HS6ST3: variants seen among roughly 807,000 people sequenced by gnomAD.
The protein encoded by HS6ST3 is heparan-sulfate 6-O-sulfotransferase 3.
HS6ST3 carries 12 observed loss-of-function variants against 36.7 expected under a neutral mutation model. The ratio of observed to expected loss-of-function variants is 0.33; its 90% confidence interval spans 0.21 to 0.53. HS6ST3 has a LOEUF of 0.53. Among genes scored for constraint, HS6ST3 ranks in the 20% least tolerant of loss-of-function variants. HS6ST3 has a pLI of 0.95. For missense variants in HS6ST3, 584 were observed against 640.9 expected, an observed-to-expected ratio of 0.91 and a Z score of 0.96; for synonymous variants, 240 against 257.5, an observed-to-expected ratio of 0.93 and a Z score of 0.65.
chr13:96,390,836 T>C (rs185211235), intron 1 of HS6ST3, among the ~76,000 whole-genome samples: 26 of 152,308 alleles, frequency 1.7e-4, no homozygotes, highest in African/African-American at 6.3e-4. Context: ...GTTTCTGTCC[T>C]CTTTGGTCCG....
At chr13:96,158,585 C>T (rs1432964281) in intron 1 of HS6ST3, among the ~76,000 whole-genome samples, 1 of 132,960 alleles carries the variant, frequency 7.5e-6, no homozygotes, top group African/African-American at 2.9e-5. Context: ...CCCGGGAGGC[C>T]GAGATTGCAG....
chr13:96,204,439 A>G (rs1208825780), intron 1 of HS6ST3, among the ~76,000 whole-genome samples: 2 of 152,172 alleles, frequency 1.3e-5, no homozygotes, highest in Non-Finnish European at 2.9e-5. Flanking sequence ...TATTAGACAG[A>G]TCATTGAGAC....
intron 1 of HS6ST3, among the ~76,000 whole-genome samples, chr13:96,093,296 T>A (rs1205716613): frequency 6.6e-6 from 1 of 152,204 alleles, no homozygotes; most frequent in Non-Finnish European, 1.5e-5. Flanking sequence ...TAGAGGAGGA[T>A]GTGGAATCTA....
intron 1 of HS6ST3, among the ~76,000 whole-genome samples, chr13:96,428,109 C>G (rs2055596313): frequency 6.6e-6 from 1 of 152,108 alleles, no homozygotes; most frequent in Non-Finnish European, 1.5e-5. Context: ...GAAAGTATCA[C>G]AGATGTGGTG....
rs1878879321 is a variant in HS6ST3, at chr13:96,834,498, A to G, written c.*1300A>G. ...GCTGCATTGCCGAGTTCTTATTTTC[A>G]CCTTTTCATAATCCCAACTACAATA... is the stretch of plus-strand genomic sequence containing the variant. On this transcript the variant is annotated 3_prime_UTR_variant, in exon 2 of 2. Transcript: ENST00000376705. The G allele has an allele frequency of 6.6e-6, 1 of 152,174 alleles. No individual in the cohort carries two copies. Among genetic ancestry groups the G allele is most frequent in the Non-Finnish European group, 1.5e-5 (1 of 68,026 alleles). The allele number at this position is 152,174 out of a possible 1,614,324, so 9.4% of individuals were successfully genotyped here. A position where few individuals can be genotyped will look rare whatever the true frequency, so the allele number is the denominator to read the frequency against.
At chr13:96,613,889 C>CT (rs1432315395) in intron 1 of HS6ST3, among the ~76,000 whole-genome samples, 1 of 152,164 alleles carries the variant, frequency 6.6e-6, no homozygotes, top group Admixed American at 6.5e-5. Flanking sequence ...TGTTAAGCAT[C>CT]TATTGATCAC....
intron 1 of HS6ST3, among the ~76,000 whole-genome samples, chr13:96,607,310 C>T (rs1171520336): frequency 1.3e-5 from 2 of 152,158 alleles, no homozygotes; most frequent in African/African-American, 4.8e-5. Flanking sequence ...ATGTAAGATA[C>T]TCAAGGGAAA....
At chr13:96,601,509 T>A (rs1418249626) in intron 1 of HS6ST3, among the ~76,000 whole-genome samples, 1 of 152,134 alleles carries the variant, frequency 6.6e-6, no homozygotes, top group Non-Finnish European at 1.5e-5. Flanking sequence ...TGTTTCTTAT[T>A]TGTATCCTGA....
At chr13:96,254,285 G>A (rs912776361) in intron 1 of HS6ST3, among the ~76,000 whole-genome samples, 7 of 150,500 alleles carry the variant, frequency 4.7e-5, no homozygotes, top group African/African-American at 1.5e-4. Flanking sequence ...GTGGTGTTGC[G>A]TGCCTGTAAT....
chr13:96,233,648 T>C (rs554610741), intron 1 of HS6ST3, among the ~76,000 whole-genome samples: 1 of 152,132 alleles, frequency 6.6e-6, no homozygotes, highest in South Asian at 2.1e-4. Flanking sequence ...ATAAAGGAGA[T>C]AATGAAACAC....
At position 96,316,164 on chromosome 13, in the gene HS6ST3, A is replaced by G. The variant is rs186338288; in HGVS notation, c.707+224595A>G. Among the ~76,000 whole-genome samples the G allele has an allele frequency of 2.1e-4, 32 of 152,200 alleles. 1 individual carries two copies. The East Asian group carries it at 5.8e-3, about 28-fold the overall frequency. On this transcript the variant is annotated intron_variant, in intron 1 of 1. Coordinates refer to ENST00000376705, the MANE Select transcript of HS6ST3 (RefSeq NM_153456.4). ...TAAGATTATATTTATATATATGCAT[A>G]TGCATGTATATGTATACACATACAC...
chr13:96,765,060 C>CTTTTTTTTTTTTTTTTTTTTTTTT (rs11423735), intron 1 of HS6ST3, among the ~76,000 whole-genome samples: 2 of 93,910 alleles, frequency 2.1e-5, no homozygotes, highest in Non-Finnish European at 4.0e-5. Context: ...TTGTTTCTTT[C>CTTTTTTTTTTTTTTTTTTTTTTTT]TTTTTTTTTT....
At position 96,442,446 on chromosome 13, in the gene HS6ST3, A is replaced by G. The variant is rs914814848; in HGVS notation, c.707+350877A>G. ...ACACTGGATCCTAGAAAGCAATTGA[A>G]CACTGACTTCCATCTCTGAAAGAAT... is the stretch of plus-strand genomic sequence containing the variant. On this transcript the variant is annotated intron_variant, in intron 1 of 1. Transcript: ENST00000376705. 3.5e-4 allele frequency among the ~76,000 whole-genome samples: 54 copies of G among 152,220 alleles called. 1 individual carries two copies. The highest frequency in any genetic ancestry group is 7.3e-5 in the Non-Finnish European group (5 of 68,028).
intron 1 of HS6ST3, among the ~76,000 whole-genome samples, chr13:96,732,674 T>C (rs1876188081): frequency 1.3e-5 from 2 of 152,192 alleles, no homozygotes; most frequent in South Asian, 2.1e-4. Context: ...GTTTTTTCCA[T>C]TTCTGTGAAA....
rs2054979114 is a variant in HS6ST3 at position 96,317,362 on chromosome 13, A to AAT, written c.707+225793_707+225794insAT. ...TATATATATATATATATATATATAT[A>AAT]TATATAAAATTATATATATATATAT... is the stretch of plus-strand genomic sequence containing the variant. On this transcript the variant is annotated intron_variant, in intron 1 of 1. Transcript: ENST00000376705. 2.6e-4 allele frequency among the ~76,000 whole-genome samples: 7 copies of AAT among 26,604 alleles called. No individual in the cohort carries two copies. The East Asian group carries it at 7.6e-3, about 29-fold the overall frequency. The allele number at this position is 26,604 out of a possible 152,430, so 17.5% of individuals were successfully genotyped here. A position where few individuals can be genotyped will look rare whatever the true frequency, so the allele number is the denominator to read the frequency against.
intron 1 of HS6ST3, among the ~76,000 whole-genome samples, chr13:96,325,358 C>T (rs1014079689): frequency 2.0e-5 from 3 of 152,016 alleles, no homozygotes. Flanking sequence ...ATGGCCTCAT[C>T]TTAATCTGAT....
At position 96,752,936 on chromosome 13, in the gene HS6ST3, CT is replaced by C. The variant is rs1176737336; in HGVS notation, c.708-79548del. On this transcript the variant is annotated intron_variant, in intron 1 of 1. Coordinates refer to ENST00000376705, the MANE Select transcript of HS6ST3 (RefSeq NM_153456.4). ...TTCATATTTAACACATACAGAATTT[CT>C]TTTTTGTGAATGGTGTGAGGTAGGG... 2.6e-5 allele frequency among the ~76,000 whole-genome samples: 4 copies of C among 152,062 alleles called. No homozygotes were observed. The East Asian group carries it at 7.7e-4, about 29-fold the overall frequency.
Position 96,837,439 on chromosome 13 carries a change from T to C in HS6ST3, c.*4241T>C, listed in dbSNP as rs1221677164. On this transcript the variant is annotated 3_prime_UTR_variant, in exon 2 of 2. Transcript: ENST00000376705. ...AAGATTTCCCAACGACTCTAATTTA[T>C]GAGCAAGAAAGTTGCTTAGAGCCCC... 6.6e-6 allele frequency: 1 copy of C among 152,228 alleles called. No individual in the cohort carries two copies. Among genetic ancestry groups the C allele is most frequent in the East Asian group, 1.9e-4 (1 of 5,202 alleles). 9.4% of individuals were successfully genotyped at this position (152,228 alleles called of 1,614,324 possible). A position where few individuals can be genotyped will look rare whatever the true frequency, so the allele number is the denominator to read the frequency against.
chr13:96,385,050 A>T (rs940080473), intron 1 of HS6ST3, among the ~76,000 whole-genome samples: 1 of 152,008 alleles, frequency 6.6e-6, no homozygotes, highest in South Asian at 2.1e-4. Context: ...GTGGTGGCAC[A>T]TGCCTGTAAT....
Sources: gnomAD v4.1 joint callset for allele counts (sites outside exome capture counted in the v4.1 genomes callset) on GRCh38, gnomAD v4.1.1 for gene constraint, MANE v1.5 for transcripts, NCBI Gene and HGNC (gene_info 2026-07-23, HGNC 2026-07-21) for gene names.